Variants in PLD5 observed in about 807,000 individuals in gnomAD.
PLD5 encodes the protein phospholipase D family member 5, also known as inactive phospholipase D5.
Under a neutral mutation model 61.1 loss-of-function variants are expected in PLD5, and 36 were observed. The ratio of observed to expected loss-of-function variants is 0.59; its 90% CI spans 0.45 to 0.78. The LOEUF (loss-of-function observed/expected upper bound fraction) is 0.78. PLD5 is among the 30% of genes least tolerant of loss of function. PLD5 has a pLI of 0.00. For missense variants in PLD5, 515 were observed against 644.4 expected (o/e 0.80, Z 2.17); for synonymous variants, 243 against 242.8 (o/e 1.00, Z -0.01).
intron 4 of PLD5, among the ~76,000 whole-genome samples, chr1:242,225,082 G>A (rs1042529510): frequency 6.6e-6 from 1 of 152,208 alleles, no homozygotes; most frequent in Non-Finnish European, 1.5e-5. Context: ...GCAGCCCTCT[G>A]AATCCTGCCT....
At chr1:242,282,781 C>T (rs1486962751) in intron 3 of PLD5, among the ~76,000 whole-genome samples, 2 of 152,016 alleles carry the variant, frequency 1.3e-5, no homozygotes, top group African/African-American at 4.8e-5. Context: ...ATCATTTTGT[C>T]TCATAAATTA....
intron 1 of PLD5, among the ~76,000 whole-genome samples, chr1:242,375,730 G>A (rs1450621950): frequency 6.6e-6 from 1 of 152,156 alleles, no homozygotes; most frequent in Non-Finnish European, 1.5e-5. Context: ...AGGGCCAGAA[G>A]AGTATCTCTG....
At chr1:242,323,216 C>T (rs1489073804) in intron 2 of PLD5, among the ~76,000 whole-genome samples, 2 of 151,932 alleles carry the variant, frequency 1.3e-5, no homozygotes, top group Non-Finnish European at 2.9e-5. Flanking sequence ...AAAAAGAAAA[C>T]TCCAGGCGGC....
chr1:242,412,393 C>T (rs1206081228), intron 1 of PLD5, among the ~76,000 whole-genome samples: 2 of 152,014 alleles, frequency 1.3e-5, no homozygotes, highest in African/African-American at 2.4e-5. Flanking sequence ...TGATACAATC[C>T]ATCAATCATA....
At chr1:242,432,271 G>A (rs375581381) in intron 1 of PLD5, among the ~76,000 whole-genome samples, 11 of 152,204 alleles carry the variant, frequency 7.2e-5, no homozygotes, top group South Asian at 2.1e-4. Flanking sequence ...AGAAGGACAC[G>A]GAATAGCATC....
intron 1 of PLD5, among the ~76,000 whole-genome samples, chr1:242,446,500 C>T (rs777907758): frequency 1.3e-5 from 2 of 152,026 alleles, no homozygotes; most frequent in African/African-American, 2.4e-5. Flanking sequence ...GAACCTTAGA[C>T]GTGGAGGTTG....
At chr1:242,154,353 G>A (rs992295863) in intron 5 of PLD5, among the ~76,000 whole-genome samples, 3 of 152,008 alleles carry the variant, frequency 2.0e-5, no homozygotes, top group African/African-American at 4.8e-5. Flanking sequence ...TTGCCTGATT[G>A]CCCTGGCCAG....
chr1:242,284,287 G>A (rs1674896724), intron 3 of PLD5, among the ~76,000 whole-genome samples: 1 of 151,814 alleles, frequency 6.6e-6, no homozygotes, highest in Non-Finnish European at 1.5e-5. Flanking sequence ...ACAGGCATGT[G>A]CCACCACGCC....
At chr1:242,257,191 A>T (rs995171741) in intron 4 of PLD5, among the ~76,000 whole-genome samples, 3 of 152,278 alleles carry the variant, frequency 2.0e-5, no homozygotes, top group Admixed American at 1.3e-4. Flanking sequence ...AAGGAAAGAA[A>T]ATTCTTGACA....
At chr1:242,403,239 C>T (rs1664040270) in intron 1 of PLD5, among the ~76,000 whole-genome samples, 1 of 152,184 alleles carries the variant, frequency 6.6e-6, no homozygotes, top group Admixed American at 6.5e-5. Flanking sequence ...TGCTCTACAG[C>T]TCTGGTTTTG....
In PLD5 at chr1:242,095,184, C is replaced by T. The variant is rs189887051; in HGVS notation, c.1355-5074G>A. On this transcript the variant is annotated intron_variant, in intron 9 of 9. Transcript: ENST00000536534. ...TCTCCTGACCTTGTGATCCACCCAC[C>T]TCAGCTTCCCAAAGCGCTGGAATTA... Among the ~76,000 whole-genome samples, 138 of 152,088 alleles carry T rather than the reference C, an allele frequency of 9.1e-4. 2 individuals carry two copies. The Middle Eastern group carries it at 0.02, about 22-fold the overall frequency.
At chr1:242,360,851 CA>C in intron 1 of PLD5, among the ~76,000 whole-genome samples, 1 of 152,040 alleles carries the variant, frequency 6.6e-6, no homozygotes, top group South Asian at 2.1e-4. Context: ...TAAATGGAAA[CA>C]AACAAACAAA....
rs1354451062 is a variant in PLD5, at chr1:242,265,320, A to G, written c.607+17T>C. The G allele has an allele frequency of 2.1e-5, 34 of 1,600,550 alleles. No homozygotes were observed. Among genetic ancestry groups the G allele is most frequent in the Non-Finnish European group, 2.8e-5 (33 of 1,177,164 alleles). On this transcript the variant is annotated intron_variant, in intron 4 of 9. Coordinates refer to ENST00000536534, the MANE Select transcript of PLD5 (RefSeq NM_001372062.1). ...AGAACACCCAGCGGTAGAATAGCAT[A>G]TCAACCTTGGTCTTACCCTTTAATT...
At position 242,299,266 on chromosome 1, in the gene PLD5, C is replaced by A. The variant is rs528215825; in HGVS notation, c.327-10736G>T. 5.3e-5 allele frequency among the ~76,000 whole-genome samples: 8 copies of A among 152,152 alleles called. No homozygotes were observed. The East Asian group carries it at 1.4e-3, about 26-fold the overall frequency. ...AGCATCCATGCCCTCAAGCATTTAT[C>A]CTTTGAGTTACAAATAATGCAGTTA... On this transcript the variant is annotated intron_variant, in intron 2 of 9. Transcript: ENST00000536534.
intron 9 of PLD5, among the ~76,000 whole-genome samples, chr1:242,092,238 C>T (rs1659890588): frequency 6.6e-6 from 1 of 152,080 alleles, no homozygotes; most frequent in South Asian, 2.1e-4. Context: ...GCGATTCTCC[C>T]ACCTCAGCCT....
At chr1:242,476,092 C>T (rs1055897843) in intron 1 of PLD5, among the ~76,000 whole-genome samples, 6 of 152,230 alleles carry the variant, frequency 3.9e-5, no homozygotes, top group East Asian at 1.9e-4. Flanking sequence ...AGGTGGCTCA[C>T]GCCTGTAATC....
At chr1:242,474,629 C>T (rs1333237609) in intron 1 of PLD5, among the ~76,000 whole-genome samples, 1 of 152,200 alleles carries the variant, frequency 6.6e-6, no homozygotes, top group Non-Finnish European at 1.5e-5. Context: ...TATTCCTTTG[C>T]TTAAAACCCT....
intron 1 of PLD5, among the ~76,000 whole-genome samples, chr1:242,409,788 G>T (rs73132311): frequency 0.033 from 5,022 of 152,238 alleles, 293 homozygotes; most frequent in African/African-American, 0.11. Context: ...AATATGTAAA[G>T]GAAGGCCGCC....
intron 7 of PLD5, among the ~76,000 whole-genome samples, chr1:242,112,323 G>GTATATATATATATATATATATATATATA (rs1491036599): frequency 1.2e-5 from 1 of 80,566 alleles, no homozygotes; most frequent in African/African-American, 6.8e-5. Context: ...GTGTGTGTGT[G>GTATATATATATATATATATATATATATA]TATGTATGTA....
Sources: gnomAD v4.1 joint callset for allele counts (sites outside exome capture counted in the v4.1 genomes callset) on GRCh38, gnomAD v4.1.1 for gene constraint, MANE v1.5 for transcripts, NCBI Gene and HGNC (gene_info 2026-07-23, HGNC 2026-07-21) for gene names.